ASIC2: variants seen among roughly 807,000 people sequenced by gnomAD.
ASIC2 encodes the protein acid sensing ion channel subunit 2.
A neutral mutation model predicts 57.3 loss-of-function variants in ASIC2; 25 were observed. That is an observed-to-expected ratio of 0.44 (90% confidence interval 0.32 to 0.61). The LOEUF (loss-of-function observed/expected upper bound fraction) is 0.61. Ranked by LOEUF, ASIC2 falls within the 20% of genes least tolerant of loss-of-function variation. The pLI is 0.06. For missense variants in ASIC2, 641 were observed against 738.1 expected (o/e 0.87, Z 1.52); for synonymous variants, 319 against 307.5 (o/e 1.04, Z -0.39).
chr17:33,384,466 T>C (rs896050751), intron 1 of ASIC2, among the ~76,000 whole-genome samples: 1 of 152,140 alleles, frequency 6.6e-6, no homozygotes, highest in Non-Finnish European at 1.5e-5. Context: ...GGGATTATGA[T>C]GTCGGAGGGA....
rs112727235 is a variant in ASIC2 at position 33,234,096 on chromosome 17, C to G, written c.708+57312G>C. Among the ~76,000 whole-genome samples, 8 of 152,354 alleles carry G rather than the reference C, an allele frequency of 5.3e-5. 2 individuals are homozygous for G. Among genetic ancestry groups the G allele is most frequent in the African/African-American group, 1.9e-4 (8 of 41,588 alleles). On this transcript the variant is annotated intron_variant, in intron 1 of 9. Coordinates refer to ENST00000225823, the MANE Select transcript of ASIC2 (RefSeq NM_183377.2). ...CTTCTTCTCTAAGGCTGAGACAACCCATGTTCCTGGGGAATGCATTTTATT... is the reference window on the plus strand; with the variant it reads ...CTTCTTCTCTAAGGCTGAGACAACCGATGTTCCTGGGGAATGCATTTTATT...
At chr17:33,680,510 C>T (rs549282121) in intron 1 of ASIC2, 2 of 150,776 alleles carry the variant, frequency 1.3e-5, no homozygotes, top group South Asian at 4.1e-4. Context: ...CCACCTTTAT[C>T]CCTCTCAAGT....
intron 1 of ASIC2, among the ~76,000 whole-genome samples, chr17:33,737,426 C>G (rs886156165): frequency 2.0e-5 from 3 of 152,210 alleles, no homozygotes; most frequent in Non-Finnish European, 2.9e-5. Context: ...TGTCTCTTTC[C>G]TGAATGGGAT....
intron 1 of ASIC2, among the ~76,000 whole-genome samples, chr17:33,153,340 G>A (rs1391624510): frequency 1.3e-5 from 2 of 152,230 alleles, no homozygotes; most frequent in African/African-American, 4.8e-5. Flanking sequence ...TTTATTTGCA[G>A]GGGTGAGAGT....
At chr17:33,269,252 G>A (rs1156425384) in intron 1 of ASIC2, among the ~76,000 whole-genome samples, 1 of 152,176 alleles carries the variant, frequency 6.6e-6, no homozygotes. Flanking sequence ...ACATGATGGA[G>A]GCTTGCAGAC....
chr17:33,188,670 G>C (rs1906297245), intron 1 of ASIC2, among the ~76,000 whole-genome samples: 1 of 152,112 alleles, frequency 6.6e-6, no homozygotes, highest in Admixed American at 6.6e-5. Context: ...AAAGTACTGA[G>C]AGAAAGTAAC....
intron 1 of ASIC2, among the ~76,000 whole-genome samples, chr17:33,775,898 C>T (rs536193144): frequency 6.8e-4 from 104 of 152,052 alleles, no homozygotes; most frequent in African/African-American, 1.3e-3. Context: ...TTTGGGAGGC[C>T]GAGGAGGGTG....
chr17:33,763,487 C>G (rs773684795), intron 1 of ASIC2, among the ~76,000 whole-genome samples: 2 of 152,184 alleles, frequency 1.3e-5, no homozygotes, highest in Non-Finnish European at 2.9e-5. Context: ...TCCTTGGGCA[C>G]TGGGATGGAT....
At chr17:33,714,095 T>C (rs975739517) in intron 1 of ASIC2, among the ~76,000 whole-genome samples, 3 of 152,106 alleles carry the variant, frequency 2.0e-5, no homozygotes, top group African/African-American at 7.2e-5. Flanking sequence ...GATGGGTGCA[T>C]GTTGTTTGAA....
At chr17:33,357,014 T>C (rs1031430732) in intron 1 of ASIC2, among the ~76,000 whole-genome samples, 1 of 184 alleles carries the variant, frequency 5.4e-3, no homozygotes, top group African/African-American at 0.017. Flanking sequence ...TCAAACTTCT[T>C]TGAGCATCAG....
At chr17:33,061,625 T>G (rs9904711) in intron 3 of ASIC2, among the ~76,000 whole-genome samples, 2,396 of 152,292 alleles carry the variant, frequency 0.016, 50 homozygotes, top group African/African-American at 0.053. Flanking sequence ...AAAATTCTCT[T>G]TTTTTGTTGT....
chr17:33,960,996 C>T (rs753463375), intron 1 of ASIC2, among the ~76,000 whole-genome samples: 5 of 152,078 alleles, frequency 3.3e-5, no homozygotes, highest in South Asian at 4.1e-4. Context: ...ACCCTAAGTA[C>T]GTGGAAGTGG....
intron 1 of ASIC2, among the ~76,000 whole-genome samples, chr17:33,704,810 A>G (rs1908814917): frequency 6.6e-6 from 1 of 152,226 alleles, no homozygotes; most frequent in African/African-American, 2.4e-5. Context: ...TTCAACTTGG[A>G]TGCTCTAACC....
intron 2 of ASIC2, among the ~76,000 whole-genome samples, chr17:33,094,566 C>T (rs983087319): frequency 2.6e-5 from 4 of 152,074 alleles, no homozygotes; most frequent in South Asian, 2.1e-4. Context: ...GGTGGATCTC[C>T]CATGGGCTCT....
rs1166159448 is a variant in ASIC2, at chr17:33,447,928, AAAAAG to A, written c.556-335866_556-335862del. Among the ~76,000 whole-genome samples, 241 of 150,732 alleles carry A rather than the reference AAAAAG, an allele frequency of 1.6e-3. 4 individuals carry two copies. The highest frequency in any genetic ancestry group is 2.6e-3 in the Admixed American group (39 of 15,120). ...ACTCAGTCTCAAAAAAAAAAAAAAA[AAAAAG>A]AAAAGACAAATATTTAAGGCAATGA... On this transcript the variant is annotated intron_variant, in intron 1 of 9. Transcript: ENST00000359872.
intron 1 of ASIC2, among the ~76,000 whole-genome samples, chr17:34,103,305 C>G (rs1910933176): frequency 6.6e-6 from 1 of 151,988 alleles, no homozygotes; most frequent in African/African-American, 2.4e-5. Flanking sequence ...GCCACAATGC[C>G]TGGCCAATTT....
At chr17:33,392,113 C>G (rs1032522789) in intron 1 of ASIC2, among the ~76,000 whole-genome samples, 5 of 152,174 alleles carry the variant, frequency 3.3e-5, no homozygotes, top group African/African-American at 1.2e-4. Flanking sequence ...TCTAACACCT[C>G]TATGTCTTTG....
At chr17:33,544,463 T>A (rs904589295) in intron 1 of ASIC2, among the ~76,000 whole-genome samples, 1 of 152,220 alleles carries the variant, frequency 6.6e-6, no homozygotes, top group Non-Finnish European at 1.5e-5. Flanking sequence ...AAGAACCTAC[T>A]GAACCATTTT....
chr17:33,411,458 G>A (rs1034861942), intron 1 of ASIC2, among the ~76,000 whole-genome samples: 2 of 152,178 alleles, frequency 1.3e-5, no homozygotes, highest in African/African-American at 4.8e-5. Flanking sequence ...AATTGGATGA[G>A]AGTTTTCAAA....
Sources: gnomAD v4.1 joint callset for allele counts (sites outside exome capture counted in the v4.1 genomes callset) on GRCh38, gnomAD v4.1.1 for gene constraint, MANE v1.5 for transcripts, NCBI Gene and HGNC (gene_info 2026-07-23, HGNC 2026-07-21) for gene names.